Variants in ARID2 observed in about 807,000 individuals in gnomAD.
ARID2 encodes AT-rich interactive domain-containing protein 2.
Under a neutral mutation model 184.6 loss-of-function variants are expected in ARID2, and 32 were observed. That is an observed-to-expected ratio of 0.17 (90% CI 0.13 to 0.23). The LOEUF (loss-of-function observed/expected upper bound fraction) is 0.23, where lower values mean the gene tolerates loss of function less well. ARID2 is among the 10% of genes least tolerant of loss of function. The probability of loss-of-function intolerance (pLI) is 1.00; values close to 1 mark genes in which losing one functional copy is unlikely to be tolerated. For missense variants in ARID2, 1,696 were observed against 2,197.6 expected (o/e 0.77, Z 4.56); for synonymous variants, 836 against 772.6 (o/e 1.08, Z -1.36).
At chr12:45,903,894 C>A (rs893636590) in intron 20 of ARID2, among the ~76,000 whole-genome samples, 24 of 151,924 alleles carry the variant, frequency 1.6e-4, no homozygotes, top group African/African-American at 4.8e-4. Context: ...CACACATAGG[C>A]AAATTTGAAA....
chr12:45,743,213 A>G (rs1175701527), intron 3 of ARID2, among the ~76,000 whole-genome samples: 1 of 151,850 alleles, frequency 6.6e-6, no homozygotes, highest in Non-Finnish European at 1.5e-5. Context: ...AAAAAAACAT[A>G]CAAAAATTAG....
At chr12:45,792,788 A>C (rs1942316762) in intron 3 of ARID2, among the ~76,000 whole-genome samples, 1 of 152,108 alleles carries the variant, frequency 6.6e-6, no homozygotes, top group Non-Finnish European at 1.5e-5. Flanking sequence ...TTATTATAAA[A>C]TTTGCTTTAT....
chr12:45,826,045 T>G (rs909145333), intron 6 of ARID2, among the ~76,000 whole-genome samples: 1 of 152,122 alleles, frequency 6.6e-6, no homozygotes, highest in Non-Finnish European at 1.5e-5. Flanking sequence ...TAAGAAGAGA[T>G]AAAATTAAAG....
At chr12:45,754,697 T>C (rs1941532675) in intron 3 of ARID2, among the ~76,000 whole-genome samples, 1 of 152,240 alleles carries the variant, frequency 6.6e-6, no homozygotes, top group Admixed American at 6.5e-5. Context: ...TATATCTCTA[T>C]TACAAACACT....
intron 12 of ARID2, 52 bp downstream of exon 12, chr12:45,846,989 GAAAA>G: frequency 6.6e-7 from 1 of 1,507,646 alleles, no homozygotes; most frequent in East Asian, 2.3e-5. Context: ...GTAAAGCAAA[GAAAA>G]AAAGGAAATG....
intron 20 of ARID2, among the ~76,000 whole-genome samples, chr12:45,899,297 A>AT (rs1944414225): frequency 7.1e-6 from 1 of 140,282 alleles, no homozygotes; most frequent in Admixed American, 7.3e-5. Context: ...AAAAAAAAAA[A>AT]GTAAGTGCTA....
chr12:45,770,993 A>G (rs1362964078), intron 3 of ARID2, among the ~76,000 whole-genome samples: 1 of 152,160 alleles, frequency 6.6e-6, no homozygotes, highest in East Asian at 1.9e-4. Flanking sequence ...ACTACCAATA[A>G]GAAGTACTAA....
intron 3 of ARID2, among the ~76,000 whole-genome samples, chr12:45,782,897 T>A (rs1387938561): frequency 6.6e-6 from 1 of 151,320 alleles, no homozygotes; most frequent in Non-Finnish European, 1.5e-5. Flanking sequence ...TCACTTGAGC[T>A]CAGGAGTTCG....
chr12:45,906,613 G>A lies in ARID2; in HGVS notation c.*1535G>A. 4.3e-6 allele frequency: 1 copy of A among 232,462 alleles called. No individual in the cohort carries two copies. Among genetic ancestry groups the A allele is most frequent in the Non-Finnish European group, 8.5e-6 (1 of 117,592 alleles). The allele number at this position is 232,462 out of a possible 1,614,324, so 14.4% of individuals were successfully genotyped here. On this transcript the variant is annotated 3_prime_UTR_variant, in exon 21 of 21. Coordinates refer to ENST00000334344, the MANE Select transcript of ARID2 (RefSeq NM_152641.4). ...AGAGAGAATTCTAAATTCAGCTGAA[G>A]GCAAGGTATAACGGTCACCTACCTA...
rs760338840 is a variant in ARID2, at chr12:45,821,412, T to C, written c.638-8T>C. The C allele has an allele frequency of 1.3e-6, 2 of 1,491,024 alleles. No homozygotes were observed. Among genetic ancestry groups the C allele is most frequent in the Non-Finnish European group, 1.8e-6 (2 of 1,116,972 alleles). 92.4% of individuals were successfully genotyped at this position (1,491,024 alleles called of 1,614,324 possible). On this transcript the variant is annotated splice_polypyrimidine_tract_variant and splice_region_variant and intron_variant, in intron 5 of 20. Coordinates refer to ENST00000334344, the MANE Select transcript of ARID2 (RefSeq NM_152641.4). ...ATTGAATGTACTATTTATTTATTTG[T>C]TTTTTAGCTTTAGGATCCTTTTCCA...
At chr12:45,789,771 C>T (rs569000886) in intron 3 of ARID2, 1 of 152,020 alleles carries the variant, frequency 6.6e-6, no homozygotes, top group East Asian at 1.9e-4. Flanking sequence ...GGAAATTGAA[C>T]CTTTTATCAT....
intron 6 of ARID2, among the ~76,000 whole-genome samples, chr12:45,824,840 G>A (rs12309988): frequency 0.085 from 12,769 of 149,874 alleles, 1,862 homozygotes; most frequent in African/African-American, 0.29. Flanking sequence ...TCCAGTAACA[G>A]GTGAATGAAT....
At chr12:45,900,733 G>A (rs924044261) in intron 20 of ARID2, among the ~76,000 whole-genome samples, 1 of 152,154 alleles carries the variant, frequency 6.6e-6, no homozygotes, top group Non-Finnish European at 1.5e-5. Flanking sequence ...GCCTAAAAAT[G>A]TCTGTAATCT....
At chr12:45,807,243 AAT>A (rs756758417) in intron 3 of ARID2, among the ~76,000 whole-genome samples, 2 of 152,192 alleles carry the variant, frequency 1.3e-5, no homozygotes, top group Non-Finnish European at 2.9e-5. Context: ...GGGAGAAGTG[AAT>A]ATGAGTCCTT....
intron 3 of ARID2, among the ~76,000 whole-genome samples, chr12:45,773,458 G>T (rs1332808349): frequency 2.0e-5 from 3 of 151,746 alleles, no homozygotes; most frequent in Non-Finnish European, 4.4e-5. Context: ...TCAAAAGCTG[G>T]GTCTTTGAAA....
chr12:45,796,322 C>T (rs1007584764), intron 3 of ARID2, among the ~76,000 whole-genome samples: 17 of 151,784 alleles, frequency 1.1e-4, no homozygotes, highest in African/African-American at 4.1e-4. Context: ...ACTATTTTTA[C>T]GGGCCACATG....
rs1428606633 is a variant in ARID2 at position 45,729,828 on chromosome 12, G to C, written c.-9G>C. 1.2e-6 allele frequency: 2 copies of C among 1,605,122 alleles called. No homozygotes were observed. Among genetic ancestry groups the C allele is most frequent in the Non-Finnish European group, 1.7e-6 (2 of 1,176,286 alleles). On this transcript the variant is annotated 5_prime_UTR_variant, in exon 1 of 21. Transcript: ENST00000334344. ...TCTGGGTTTTTTAAAAACCTCCTTT[G>C]AAAAAATAATGGCAAACTCGACGGG... is the stretch of plus-strand genomic sequence containing the variant.
In ARID2 at chr12:45,837,037, A is replaced by ATTTTTT. The variant is rs781644025; in HGVS notation, c.1023+49_1023+50insTTTTTT. 4.8e-5 allele frequency: 75 copies of ATTTTTT among 1,575,338 alleles called. No homozygotes were observed. The African/African-American group carries it at 8.7e-4, about 18-fold the overall frequency. Reference sequence around the variant, plus strand: ...TAAACTAGTTTTTATAGTTAGCAACATTTATGTTACAATTTTAGGATGTGG... The same window carrying ATTTTTT: ...TAAACTAGTTTTTATAGTTAGCAACATTTTTTTTTATGTTACAATTTTAGGATGTGG... On this transcript the variant is annotated intron_variant, in intron 8 of 20. Coordinates refer to ENST00000334344, the MANE Select transcript of ARID2 (RefSeq NM_152641.4).
At chr12:45,759,912 C>T (rs1255084174) in intron 3 of ARID2, among the ~76,000 whole-genome samples, 1 of 152,098 alleles carries the variant, frequency 6.6e-6, no homozygotes, top group Admixed American at 6.5e-5. Flanking sequence ...GTTTAACAAG[C>T]ACCTTTTCAT....
Sources: allele counts gnomAD v4.1 joint callset (sites outside exome capture counted in the v4.1 genomes callset), GRCh38; gene constraint gnomAD v4.1.1; transcripts MANE v1.5; gene names NCBI Gene and HGNC (gene_info 2026-07-23, HGNC 2026-07-21).